The following RERG variants were observed in gnomAD, a reference collection of about 807,000 sequenced individuals.
RERG encodes ras-related and estrogen-regulated growth inhibitor.
Under a neutral mutation model 23.2 loss-of-function variants are expected in RERG, and 25 were observed. The observed-to-expected ratio is 1.08, with a 90% CI of 0.79 to 1.50. RERG has a LOEUF of 1.50. Among genes scored for constraint, RERG ranks in the 40% most tolerant of loss-of-function variants. The probability of loss-of-function intolerance (pLI) is 0.00; values close to 1 mark genes in which losing one functional copy is unlikely to be tolerated. For missense variants in RERG, 253 were observed against 250.1 expected (o/e 1.01, Z -0.08); for synonymous variants, 81 against 89.1 (o/e 0.91, Z 0.51).
intron 3 of RERG, among the ~76,000 whole-genome samples, chr12:15,116,818 T>C (rs969828872): frequency 9.9e-5 from 15 of 152,182 alleles, no homozygotes; most frequent in Non-Finnish European, 5.9e-5. Context: ...AGAAAATGTG[T>C]ATGTGTTTGT....
chr12:15,220,504 G>A (rs1865498428), intron 1 of RERG, among the ~76,000 whole-genome samples: 1 of 152,050 alleles, frequency 6.6e-6, no homozygotes, highest in Admixed American at 6.6e-5. Context: ...TTAGACCTAT[G>A]ATATTTAGAT....
chr12:15,213,437 C>T (rs1865396200), intron 2 of RERG, among the ~76,000 whole-genome samples: 1 of 152,104 alleles, frequency 6.6e-6, no homozygotes, highest in African/African-American at 2.4e-5. Context: ...TAAATGTTTA[C>T]CCGGCTGGGG....
intron 2 of RERG, among the ~76,000 whole-genome samples, chr12:15,129,725 T>C (rs1234387249): frequency 6.6e-6 from 1 of 151,954 alleles, no homozygotes; most frequent in African/African-American, 2.4e-5. Context: ...TAGAGTGGCA[T>C]GTAGGGGGAG....
intron 2 of RERG, among the ~76,000 whole-genome samples, chr12:15,125,573 G>T (rs1022518970): frequency 6.6e-6 from 1 of 151,950 alleles, no homozygotes; most frequent in African/African-American, 2.4e-5. Context: ...AGCCCAGAAA[G>T]GTTGTAAAAT....
rs568087478 is a variant in RERG, at chr12:15,126,147, ATATATG to A, written c.62-5034_62-5029del. On this transcript the variant is annotated intron_variant, in intron 2 of 4. Transcript: ENST00000256953. ...ATATACCATATATATATATATATAT[ATATATG>A]TATTTACACACATACATTTTTACAT... is the stretch of plus-strand genomic sequence containing the variant. Among the ~76,000 whole-genome samples the A allele has an allele frequency of 1.8e-3, 257 of 141,804 alleles. 16 individuals are homozygous for A. The South Asian group carries it at 0.052, about 29-fold the overall frequency. 93.0% of individuals were successfully genotyped at this position (141,804 alleles called of 152,430 possible).
At chr12:15,159,827 C>A (rs1565523657) in intron 2 of RERG, among the ~76,000 whole-genome samples, 1 of 151,312 alleles carries the variant, frequency 6.6e-6, no homozygotes, top group African/African-American at 2.4e-5. Context: ...CCGTCTCAAA[C>A]AAACAAACAA....
chr12:15,126,130 TA>T (rs1363360485), intron 2 of RERG, among the ~76,000 whole-genome samples: 1 of 131,262 alleles, frequency 7.6e-6, no homozygotes, highest in East Asian at 2.1e-4. Context: ...GTATATACCA[TA>T]TATATATATA....
chr12:15,109,029 G>T lies in RERG; in HGVS notation c.*81C>A. The T allele has an allele frequency of 3.9e-6, 5 of 1,288,570 alleles. No individual in the cohort carries two copies. In the South Asian group the frequency reaches 6.0e-5, roughly 16 times the overall value. 79.8% of individuals were successfully genotyped at this position (1,288,570 alleles called of 1,614,324 possible). On this transcript the variant is annotated 3_prime_UTR_variant, in exon 5 of 5. Transcript: ENST00000256953. ...ATTTCTCAGAATCCAAACAAAGAAT[G>T]CAATATTTTGTTTTATTTTTGAAAG... is the stretch of plus-strand genomic sequence containing the variant.
intron 2 of RERG, among the ~76,000 whole-genome samples, chr12:15,168,514 T>A (rs761505362): frequency 1.3e-5 from 2 of 152,202 alleles, no homozygotes; most frequent in Non-Finnish European, 2.9e-5. Flanking sequence ...TGAGAGCACT[T>A]TGGAAATTCA....
chr12:15,210,429 C>T (rs1005278551), intron 2 of RERG, among the ~76,000 whole-genome samples: 4 of 151,986 alleles, frequency 2.6e-5, no homozygotes, highest in African/African-American at 9.7e-5. Context: ...AGAAATAATT[C>T]TTAATTTTGT....
At chr12:15,175,610 T>A (rs1864840265) in intron 2 of RERG, among the ~76,000 whole-genome samples, 1 of 152,114 alleles carries the variant, frequency 6.6e-6, no homozygotes, top group African/African-American at 2.4e-5. Context: ...ATTTCCCTTA[T>A]CTACGTTTTA....
chr12:15,216,678 G>C (rs146151248), intron 2 of RERG, among the ~76,000 whole-genome samples: 26 of 152,346 alleles, frequency 1.7e-4, no homozygotes, highest in African/African-American at 6.3e-4. Flanking sequence ...GAAAGGTCAT[G>C]CTGCCCTAAT....
At chr12:15,172,608 C>T (rs540810090) in intron 2 of RERG, among the ~76,000 whole-genome samples, 2 of 152,166 alleles carry the variant, frequency 1.3e-5, no homozygotes, top group South Asian at 2.1e-4. Context: ...ATTTGAGAGT[C>T]GCAGTTTACC....
intron 2 of RERG, among the ~76,000 whole-genome samples, chr12:15,158,218 A>G (rs1864551001): frequency 6.6e-6 from 1 of 152,136 alleles, no homozygotes; most frequent in Admixed American, 6.6e-5. Context: ...CTAGGACTGA[A>G]CATAGCATTT....
chr12:15,196,515 C>A (rs947705496), intron 2 of RERG, among the ~76,000 whole-genome samples: 3 of 152,166 alleles, frequency 2.0e-5, no homozygotes, highest in African/African-American at 7.2e-5. Context: ...AACGTCTAAG[C>A]CCTGGTATGA....
chr12:15,164,217 G>A (rs1043231863), intron 2 of RERG, among the ~76,000 whole-genome samples: 1 of 152,206 alleles, frequency 6.6e-6, no homozygotes, highest in African/African-American at 2.4e-5. Context: ...ATTACCATTT[G>A]TGGGGCCTAG....
intron 2 of RERG, among the ~76,000 whole-genome samples, chr12:15,187,715 C>G (rs928264413): frequency 6.6e-6 from 1 of 151,948 alleles, no homozygotes; most frequent in African/African-American, 2.4e-5. Context: ...CCCGCCACCA[C>G]ACCCAGCTAT....
At chr12:15,218,840 T>G (rs1245270403) in intron 1 of RERG, among the ~76,000 whole-genome samples, 1 of 152,060 alleles carries the variant, frequency 6.6e-6, no homozygotes, top group Non-Finnish European at 1.5e-5. Flanking sequence ...ACTCCCTTTT[T>G]CATCATGTGC....
At chr12:15,192,484 TTTTTA>T (rs1298157923) in intron 2 of RERG, among the ~76,000 whole-genome samples, 4 of 152,194 alleles carry the variant, frequency 2.6e-5, no homozygotes, top group Non-Finnish European at 4.4e-5. Flanking sequence ...ATGCAATACC[TTTTTA>T]TTTTGAGATA....
Sources: allele counts gnomAD v4.1 joint callset (sites outside exome capture counted in the v4.1 genomes callset), GRCh38; gene constraint gnomAD v4.1.1; transcripts MANE v1.5; gene names NCBI Gene and HGNC (gene_info 2026-07-23, HGNC 2026-07-21).